Variants in NR2F1 observed in about 807,000 individuals in gnomAD.
NR2F1 encodes COUP transcription factor 1.
In NR2F1, 1 loss-of-function variant was observed where a neutral mutation model predicts 37.7. The ratio of observed to expected loss-of-function variants is 0.03; its 90% CI spans 0.01 to 0.13. NR2F1 has a LOEUF of 0.13. NR2F1 is among the 10% of genes least tolerant of loss of function. The pLI is 1.00. For synonymous variants in NR2F1, 275 were observed against 259.6 expected, an observed-to-expected ratio of 1.06 and a Z score of -0.57; for missense variants, 268 against 578.4, an observed-to-expected ratio of 0.46 and a Z score of 5.50.
In NR2F1 at chr5:93,593,995, GC is replaced by G. The variant is rs1753380656; in HGVS notation, c.*154del. On this transcript the variant is annotated 3_prime_UTR_variant, in exon 3 of 3. Transcript: ENST00000327111. This position sits in a 1 kb window ranked among gnomAD's most constrained non-coding sequence, Gnocchi z 5.6. ...GGCCGAGACAGGAGCAGCCCACCCA[GC>G]AGAAATACAATCCGAGCTACAAAGC... 1.6e-6 allele frequency: 1 copy of G among 635,694 alleles called. No individual in the cohort carries two copies. The highest frequency in any genetic ancestry group is 2.7e-6 in the Non-Finnish European group (1 of 367,464). 39.4% of individuals were successfully genotyped at this position (635,694 alleles called of 1,614,324 possible). A position where few individuals can be genotyped will look rare whatever the true frequency, so the allele number is the denominator to read the frequency against.
At chr5:93,591,535 C>A (rs950606749) in intron 2 of NR2F1, among the ~76,000 whole-genome samples, 1 of 152,168 alleles carries the variant, frequency 6.6e-6, no homozygotes, top group Admixed American at 6.5e-5. Flanking sequence ...TGGAAGCAAC[C>A]AGCACAGGAC....
Position 93,593,789 on chromosome 5 carries a change from T to G in NR2F1, c.1219T>G (p.Leu407Val). ...TPIETLIRDM[L>V]LSGSSFNWPY... is the part of the protein sequence containing the mutation. The stretch of plus-strand genomic sequence containing the variant: ...CATCGAAACTCTCATCCGCGATATG[T>G]TACTGTCTGGGAGCAGCTTCAACTG... The change falls in exon 3 of 3, where the codon TTA (leucine) becomes GTA (valine). Residue 407 changes from leucine (L) to valine (V), a missense_variant. Coordinates refer to ENST00000327111, the MANE Select transcript of NR2F1 (RefSeq NM_005654.6). This position sits in a 1 kb window ranked among gnomAD's most constrained non-coding sequence, Gnocchi z 5.6. 1 of 1,614,206 alleles carries G rather than the reference T, an allele frequency of 6.2e-7. No homozygotes were observed.
At chr5:93,585,580 G>A (rs1338844830) in intron 1 of NR2F1, 94 bp downstream of exon 1, 1 of 994,658 alleles carries the variant, frequency 1.0e-6, no homozygotes, top group South Asian at 1.6e-5. Context: ...TGTGGGGCTG[G>A]GGCTCCTGTG....
At chr5:93,591,465 T>C (rs1165444138) in intron 2 of NR2F1, among the ~76,000 whole-genome samples, 2 of 152,178 alleles carry the variant, frequency 1.3e-5, no homozygotes, top group Non-Finnish European at 2.9e-5. Context: ...CAGAGCTAGC[T>C]GGCTGGTACC....
Position 93,594,432 on chromosome 5 carries a change from A to G in NR2F1, c.*590A>G, listed in dbSNP as rs1753388399. ...ATAAAAAATTGTCCTGTGTCTATGT[A>G]TCTATATCTGTTTTGTATTTTTTTC... On this transcript the variant is annotated 3_prime_UTR_variant, in exon 3 of 3. Coordinates refer to ENST00000327111, the MANE Select transcript of NR2F1 (RefSeq NM_005654.6). 1 of 152,268 alleles carries G rather than the reference A, an allele frequency of 6.6e-6. No individual in the cohort carries two copies. The highest frequency in any genetic ancestry group is 6.5e-5 in the Admixed American group (1 of 15,282). 9.4% of individuals were successfully genotyped at this position (152,268 alleles called of 1,614,324 possible).
chr5:93,590,227 T>G (rs1184179258), intron 2 of NR2F1, among the ~76,000 whole-genome samples: 1 of 152,058 alleles, frequency 6.6e-6, no homozygotes, highest in East Asian at 1.9e-4. Context: ...TCCAGCGAGG[T>G]GTCTTGAAGC....
chr5:93,588,792 C>CGT (rs969188939), intron 2 of NR2F1, among the ~76,000 whole-genome samples: 263 of 141,054 alleles, frequency 1.9e-3, no homozygotes, highest in African/African-American at 2.4e-3. Context: ...CGCGCGCGCG[C>CGT]GTGTGTGTGT....
At chr5:93,585,884 C>T (rs1441108098) in intron 1 of NR2F1, among the ~76,000 whole-genome samples, 1 of 151,894 alleles carries the variant, frequency 6.6e-6, no homozygotes, top group Non-Finnish European at 1.5e-5. Flanking sequence ...GCTTATTTCC[C>T]CCAGAAAACT....
rs922976793 is a variant in NR2F1 at position 93,585,096 on chromosome 5, C to G, written c.73C>G (p.Pro25Ala). The change falls in exon 1 of 3, where the codon CCC becomes GCC. Residue 25 changes from proline to alanine, a missense_variant. Pro to Ala is a conservative substitution (Grantham distance 27). Around this residue, in one of 5 missense-constraint regions of NR2F1, gnomAD observed 90 missense variants for 106.5 expected, o/e 0.85. Transcript: ENST00000327111. ...VAGGNPGGPN[P>A]AAQAARGGGG... ...CGGGGGCAACCCCGGCGGCCCCAAC[C>G]CCGCAGCGCAGGCGGCCCGCGGCGG... 1.4e-5 allele frequency: 14 copies of G among 1,003,864 alleles called. No individual in the cohort carries two copies. Among genetic ancestry groups the G allele is most frequent in the African/African-American group, 3.5e-5 (2 of 56,888 alleles). The allele number at this position is 1,003,864 out of a possible 1,614,324, so 62.2% of individuals were successfully genotyped here. A position where few individuals can be genotyped will look rare whatever the true frequency, so the allele number is the denominator to read the frequency against.
chr5:93,594,022 A>G lies in NR2F1; in HGVS notation c.*180A>G, dbSNP rs779173664. On this transcript the variant is annotated 3_prime_UTR_variant, in exon 3 of 3. Transcript: ENST00000327111. Reference sequence around the variant, plus strand: ...AGAAATACAATCCGAGCTACAAAGCATGGGAAAAAGAGACTCTTTTAGGAT... The same window carrying G: ...AGAAATACAATCCGAGCTACAAAGCGTGGGAAAAAGAGACTCTTTTAGGAT... 1 of 589,832 alleles carries G rather than the reference A, an allele frequency of 1.7e-6. No individual in the cohort carries two copies. The highest frequency in any genetic ancestry group is 3.0e-6 in the Non-Finnish European group (1 of 336,570). The allele number at this position is 589,832 out of a possible 1,614,324, so 36.5% of individuals were successfully genotyped here. A position where few individuals can be genotyped will look rare whatever the true frequency, so the allele number is the denominator to read the frequency against.
At chr5:93,591,413 G>A (rs1011285704) in intron 2 of NR2F1, among the ~76,000 whole-genome samples, 3 of 152,334 alleles carry the variant, frequency 2.0e-5, no homozygotes, top group African/African-American at 7.2e-5. Context: ...TTCCAGACTG[G>A]GAAGCCAGGC....
rs1207261104 is a variant in NR2F1, at chr5:93,593,467, TA to T, written c.992-87del. 75 of 1,308,814 alleles carry T rather than the reference TA, an allele frequency of 5.7e-5. No homozygotes were observed. The highest frequency in any genetic ancestry group is 2.6e-4 in the Middle Eastern group (1 of 3,902). 81.1% of individuals were successfully genotyped at this position (1,308,814 alleles called of 1,614,324 possible). On this transcript the variant is annotated intron_variant, in intron 2 of 2. Transcript: ENST00000327111. The surrounding 1 kb of genome is among the most constrained non-coding windows in gnomAD (Gnocchi z 5.6). ...TCTTTTTTATTTTCCATTTTCTCCT[TA>T]AAAAAAATTGATGGCTTATTTTGCC...
chr5:93,594,227 C>G lies in NR2F1; in HGVS notation c.*385C>G. Reference sequence around the variant, plus strand: ...TGGACGGATGTGGATATATTCTGTACAGGAACAACACATATGGAAGTGGAC... The same window carrying G: ...TGGACGGATGTGGATATATTCTGTAGAGGAACAACACATATGGAAGTGGAC... On this transcript the variant is annotated 3_prime_UTR_variant, in exon 3 of 3. Transcript: ENST00000327111. The G allele has an allele frequency of 5.1e-6, 1 of 196,990 alleles. No individual in the cohort carries two copies. Among genetic ancestry groups the G allele is most frequent in the Non-Finnish European group, 1.0e-5 (1 of 97,542 alleles). 12.2% of individuals were successfully genotyped at this position (196,990 alleles called of 1,614,324 possible).
Position 93,588,212 on chromosome 5 carries a change from C to T in NR2F1, c.759C>T (p.Arg253=). 1 of 1,614,070 alleles carries T rather than the reference C, an allele frequency of 6.2e-7. No homozygotes were observed. The highest frequency in any genetic ancestry group is 8.5e-7 in the Non-Finnish European group (1 of 1,180,004). ...LQITDQVSLL[R]LTWSELFVLN... ...TCACCGACCAGGTGTCCCTGCTACGCCTCACCTGGAGCGAGCTGTTCGTGC... is the reference window on the plus strand; with the variant it reads ...TCACCGACCAGGTGTCCCTGCTACGTCTCACCTGGAGCGAGCTGTTCGTGC... Residue 253 remains arginine, a synonymous_variant, in exon 2 of 3, where the codon CGC becomes CGT. Coordinates refer to ENST00000327111, the MANE Select transcript of NR2F1 (RefSeq NM_005654.6).
Position 93,585,411 on chromosome 5 carries a change from A to G in NR2F1, c.388A>G (p.Ile130Val). ...YTCRANRNCP[I>V]DQHHRNQCQY... ...ATGCCGTGCCAACAGGAACTGTCCC[A>G]TCGACCAGCACCACCGCAACCAGTG... Residue 130 changes from isoleucine to valine, a missense_variant, in exon 1 of 3, where the codon ATC becomes GTC. This residue lies in a region of NR2F1 where 16 missense variants were observed against 113.0 expected (regional missense o/e 0.14). Coordinates refer to ENST00000327111, the MANE Select transcript of NR2F1 (RefSeq NM_005654.6). 3 of 1,614,062 alleles carry G rather than the reference A, an allele frequency of 1.9e-6. No individual in the cohort carries two copies. The highest frequency in any genetic ancestry group is 2.2e-5 in the South Asian group (2 of 91,078).
rs1034705606 is a variant in NR2F1 at position 93,593,973 on chromosome 5, C to T, written c.*131C>T. 14 of 790,240 alleles carry T rather than the reference C, an allele frequency of 1.8e-5. No individual in the cohort carries two copies. Among genetic ancestry groups the T allele is most frequent in the East Asian group, 2.6e-5 (1 of 38,770 alleles). The allele number at this position is 790,240 out of a possible 1,614,324, so 49.0% of individuals were successfully genotyped here. A position where few individuals can be genotyped will look rare whatever the true frequency, so the allele number is the denominator to read the frequency against. On this transcript the variant is annotated 3_prime_UTR_variant, in exon 3 of 3. Transcript: ENST00000327111. The surrounding 1 kb of genome is among the most constrained non-coding windows in gnomAD (Gnocchi z 5.6). Reference sequence around the variant, plus strand: ...CAGGCTGGGTGGGAGGGAGGAGGGCCGAGACAGGAGCAGCCCACCCAGCAG... The same window carrying T: ...CAGGCTGGGTGGGAGGGAGGAGGGCTGAGACAGGAGCAGCCCACCCAGCAG...
At position 93,593,393 on chromosome 5, in the gene NR2F1, A is replaced by G. The variant is rs567695466; in HGVS notation, c.992-169A>G. Among the ~76,000 whole-genome samples, 38 of 152,018 alleles carry G rather than the reference A, an allele frequency of 2.5e-4. 2 individuals carry two copies. Among genetic ancestry groups the G allele is most frequent in the African/African-American group, 9.2e-4 (38 of 41,462 alleles). On this transcript the variant is annotated intron_variant, in intron 2 of 2. Transcript: ENST00000327111. This position sits in a 1 kb window ranked among gnomAD's most constrained non-coding sequence, Gnocchi z 5.6. ...GGGGGCGGGGGAGGAGGGAATGAAG[A>G]AGGGGATGGAGAGGTATAGGAGGGT...
chr5:93,585,518 G>A lies in NR2F1; in HGVS notation c.463+32G>A. 2.6e-6 allele frequency: 4 copies of A among 1,554,678 alleles called. No homozygotes were observed. In the South Asian group the frequency reaches 3.4e-5, roughly 13 times the overall value. ...ATTTCTTCTCTGCTTCTCTCCCCGC[G>A]CTTCGCCCGCCTCCCTGGCTCTTTC... On this transcript the variant is annotated intron_variant, in intron 1 of 2. Transcript: ENST00000327111.
In NR2F1 at chr5:93,584,192, C is replaced by G. The variant is rs1753181287; in HGVS notation, c.-832C>G. On this transcript the variant is annotated 5_prime_UTR_variant, in exon 1 of 3. Transcript: ENST00000327111. The stretch of plus-strand genomic sequence containing the variant: ...GCGCCGCGGGCGGCCCCGGCCTCCG[C>G]TCGCGCTCCGGCTGCGGCCCCGACT... 6.7e-6 allele frequency: 1 copy of G among 148,808 alleles called. No homozygotes were observed. Among genetic ancestry groups the G allele is most frequent in the African/African-American group, 2.4e-5 (1 of 41,212 alleles). 9.2% of individuals were successfully genotyped at this position (148,808 alleles called of 1,614,324 possible).
Sources: allele counts gnomAD v4.1 joint callset (sites outside exome capture counted in the v4.1 genomes callset), GRCh38; gene constraint gnomAD v4.1.1; regional missense constraint gnomAD v4.1.1; non-coding constraint Gnocchi (gnomAD v3.1); transcripts MANE v1.5; gene names NCBI Gene and HGNC (gene_info 2026-07-23, HGNC 2026-07-21).